Variants in PXDNL observed in about 807,000 individuals in gnomAD.
PXDNL encodes probable oxidoreductase PXDNL.
Under a neutral mutation model 150.8 loss-of-function variants are expected in PXDNL, and 145 were observed. That is an observed-to-expected ratio of 0.96 (90% CI 0.84 to 1.10). PXDNL has a LOEUF of 1.10. PXDNL is among the 50% of genes least tolerant of loss of function. The pLI is 0.00. For synonymous variants in PXDNL, 757 were observed against 725.7 expected, an observed-to-expected ratio of 1.04 and a Z score of -0.69; for missense variants, 2,087 against 1,873.9, an observed-to-expected ratio of 1.11 and a Z score of -2.10.
intron 1 of PXDNL, among the ~76,000 whole-genome samples, chr8:51,740,831 G>A (rs956005085): frequency 5.9e-5 from 9 of 152,138 alleles, no homozygotes; most frequent in African/African-American, 2.2e-4. Context: ...CGGTAGGTAA[G>A]CTTTTTAACG....
chr8:51,393,808 G>A (rs1489608635), intron 17 of PXDNL, among the ~76,000 whole-genome samples: 2 of 152,144 alleles, frequency 1.3e-5, no homozygotes, highest in African/African-American at 2.4e-5. Context: ...CTAGAAGGGG[G>A]AAAGACAGGG....
intron 17 of PXDNL, among the ~76,000 whole-genome samples, chr8:51,400,711 G>C (rs990416143): frequency 3.3e-5 from 5 of 152,140 alleles, no homozygotes. Context: ...GGTTAAGTGT[G>C]TGCATTTTTA....
chr8:51,713,095 G>C (rs1816533027), intron 1 of PXDNL, among the ~76,000 whole-genome samples: 1 of 152,196 alleles, frequency 6.6e-6, no homozygotes, highest in Non-Finnish European at 1.5e-5. Context: ...GTTTAAATAT[G>C]TCTGGCTATT....
At chr8:51,326,057 C>T (rs1805474189) in intron 21 of PXDNL, among the ~76,000 whole-genome samples, 1 of 152,114 alleles carries the variant, frequency 6.6e-6, no homozygotes, top group Non-Finnish European at 1.5e-5. Context: ...GCCTGAGCTA[C>T]GTGAGGAAAA....
chr8:51,796,570 C>A (rs2037563367), intron 1 of PXDNL, among the ~76,000 whole-genome samples: 1 of 152,040 alleles, frequency 6.6e-6, no homozygotes, highest in Admixed American at 6.5e-5. Flanking sequence ...ACTAGAAAAT[C>A]TAGAAAAAAT....
At chr8:51,654,645 G>T (rs1002461436) in intron 2 of PXDNL, 44 bp downstream of exon 2, 10 of 1,438,710 alleles carry the variant, frequency 7.0e-6, no homozygotes, top group Non-Finnish European at 8.8e-6. Flanking sequence ...CATCCAACCA[G>T]CATATAATTT....
chr8:51,325,987 T>G (rs921888270), intron 21 of PXDNL, among the ~76,000 whole-genome samples: 1 of 152,162 alleles, frequency 6.6e-6, no homozygotes, highest in African/African-American at 2.4e-5. Flanking sequence ...GACTCAGGTT[T>G]TGTTGGGCCT....
intron 14 of PXDNL, among the ~76,000 whole-genome samples, chr8:51,416,226 A>G (rs1221671444): frequency 7.9e-5 from 12 of 152,232 alleles, no homozygotes. Context: ...TGGAAGTAAG[A>G]AGATTGTGTG....
chr8:51,446,013 A>G (rs1015310496), intron 12 of PXDNL, among the ~76,000 whole-genome samples: 7 of 152,160 alleles, frequency 4.6e-5, no homozygotes, highest in Non-Finnish European at 8.8e-5. Flanking sequence ...TAGTATGTCT[A>G]AAATATAAGG....
chr8:51,562,185 T>G (rs979518269), intron 3 of PXDNL, among the ~76,000 whole-genome samples: 2 of 151,752 alleles, frequency 1.3e-5, no homozygotes, highest in African/African-American at 4.8e-5. Context: ...ATCTACATGT[T>G]CTTCACCCTG....
chr8:51,322,908 C>T (rs949516239), intron 21 of PXDNL, among the ~76,000 whole-genome samples: 1 of 152,112 alleles, frequency 6.6e-6, no homozygotes, highest in Non-Finnish European at 1.5e-5. Context: ...CTGATATGTA[C>T]CAGCTAATAC....
At chr8:51,715,682 C>G (rs1396949280) in intron 1 of PXDNL, among the ~76,000 whole-genome samples, 1 of 152,134 alleles carries the variant, frequency 6.6e-6, no homozygotes, top group Non-Finnish European at 1.5e-5. Flanking sequence ...ATAATTTATT[C>G]ACCCTCCAAA....
rs71237237 is a variant in PXDNL, at chr8:51,760,845, C to CTTTTTTTTTTTTTTTTTTTT, written c.164+48316_164+48335dup. 1.4e-3 allele frequency among the ~76,000 whole-genome samples: 63 copies of CTTTTTTTTTTTTTTTTTTTT among 45,492 alleles called. 23 individuals carry two copies. Among genetic ancestry groups the CTTTTTTTTTTTTTTTTTTTT allele is most frequent in the Non-Finnish European group, 1.9e-3 (50 of 26,652 alleles). The allele number at this position is 45,492 out of a possible 152,430, so 29.8% of individuals were successfully genotyped here. A position where few individuals can be genotyped will look rare whatever the true frequency, so the allele number is the denominator to read the frequency against. On this transcript the variant is annotated intron_variant, in intron 1 of 22. Transcript: ENST00000356297. ...GTTAGCCTGAAGGAAATCACTTAAACTTTTTTTTTTTTTTTTTTTTTTTTT... is the reference window on the plus strand; with the variant it reads ...GTTAGCCTGAAGGAAATCACTTAAACTTTTTTTTTTTTTTTTTTTTTTTTTTTTTTTTTTTTTTTTTTTTT...
At chr8:51,577,975 GAAA>G (rs1675588289) in intron 3 of PXDNL, among the ~76,000 whole-genome samples, 107 of 92,220 alleles carry the variant, frequency 1.2e-3, no homozygotes, top group Middle Eastern at 7.1e-3. Flanking sequence ...AAGAAAGAAA[GAAA>G]GAAAGAAAGA....
At chr8:51,422,460 T>C (rs1808980539) in intron 14 of PXDNL, among the ~76,000 whole-genome samples, 1 of 152,138 alleles carries the variant, frequency 6.6e-6, no homozygotes. Context: ...ATTCATATGA[T>C]AGGAAAATGG....
chr8:51,564,799 T>G (rs1168119481), intron 3 of PXDNL, among the ~76,000 whole-genome samples: 1 of 152,010 alleles, frequency 6.6e-6, no homozygotes, highest in East Asian at 1.9e-4. Flanking sequence ...GGTGAAATTT[T>G]GTATATGGGA....
At chr8:51,364,443 C>T (rs1806852744) in intron 19 of PXDNL, among the ~76,000 whole-genome samples, 1 of 152,198 alleles carries the variant, frequency 6.6e-6, no homozygotes, top group African/African-American at 2.4e-5. Flanking sequence ...AGCTTTTTCA[C>T]CAGATCAAGA....
At chr8:51,422,320 G>A (rs570490088) in intron 14 of PXDNL, among the ~76,000 whole-genome samples, 71 of 151,988 alleles carry the variant, frequency 4.7e-4, no homozygotes, top group Non-Finnish European at 9.4e-4. Flanking sequence ...TCCCCACCCC[G>A]GTCAGTGGAA....
intron 3 of PXDNL, among the ~76,000 whole-genome samples, chr8:51,559,860 A>C (rs1320336328): frequency 2.6e-5 from 4 of 152,040 alleles, no homozygotes. Context: ...AAAGTAAAAT[A>C]AATTAGGACC....
Sources: allele counts gnomAD v4.1 joint callset (sites outside exome capture counted in the v4.1 genomes callset), GRCh38; gene constraint gnomAD v4.1.1; transcripts MANE v1.5; gene names NCBI Gene and HGNC (gene_info 2026-07-23, HGNC 2026-07-21).